Variants in KIAA1549L observed in about 807,000 individuals in gnomAD.
KIAA1549L encodes the protein KIAA1549 like, also known as UPF0606 protein KIAA1549L.
A neutral mutation model predicts 160.7 loss-of-function variants in KIAA1549L; 88 were observed. The ratio of observed to expected loss-of-function variants is 0.55; its 90% CI spans 0.46 to 0.65. The LOEUF (loss-of-function observed/expected upper bound fraction) is 0.65, where lower values mean the gene tolerates loss of function less well. KIAA1549L is among the 30% of genes least tolerant of loss of function. KIAA1549L has a pLI of 0.00. For synonymous variants in KIAA1549L, 950 were observed against 976.7 expected (o/e 0.97, Z 0.51); for missense variants, 2,258 against 2,437.5 (o/e 0.93, Z 1.55).
intron 1 of KIAA1549L, among the ~76,000 whole-genome samples, chr11:33,417,938 C>T (rs1850921773): frequency 6.6e-6 from 1 of 152,062 alleles, no homozygotes; most frequent in African/African-American, 2.4e-5. Context: ...CCACCACGCC[C>T]AGCTAATTTT....
At chr11:33,517,734 A>G (rs1271978740) in intron 1 of KIAA1549L, among the ~76,000 whole-genome samples, 1 of 152,210 alleles carries the variant, frequency 6.6e-6, no homozygotes, top group Non-Finnish European at 1.5e-5. Flanking sequence ...GAAATGAGTC[A>G]TGAATGTGTA....
chr11:33,387,994 C>T (rs1850205849), intron 1 of KIAA1549L, among the ~76,000 whole-genome samples: 1 of 152,142 alleles, frequency 6.6e-6, no homozygotes, highest in Non-Finnish European at 1.5e-5. Context: ...GGCCTATCTT[C>T]AATCTTCATT....
chr11:33,531,961 C>T (rs1853784069), intron 1 of KIAA1549L, among the ~76,000 whole-genome samples: 1 of 152,184 alleles, frequency 6.6e-6, no homozygotes, highest in Non-Finnish European at 1.5e-5. Context: ...TGAGGCAGCT[C>T]TGTGGGCCCC....
chr11:33,421,118 C>T (rs1252552769), intron 1 of KIAA1549L, among the ~76,000 whole-genome samples: 3 of 152,198 alleles, frequency 2.0e-5, no homozygotes, highest in Non-Finnish European at 4.4e-5. Flanking sequence ...TGGGGAAGTG[C>T]ATTAATTCCC....
chr11:33,523,575 TCTGCCTATCATGTACCAA>T (rs527261727), intron 1 of KIAA1549L, among the ~76,000 whole-genome samples: 48 of 152,362 alleles, frequency 3.2e-4, no homozygotes, highest in African/African-American at 1.1e-3. Context: ...TGAGACATTT[TCTGCCTATCATGTACCAA>T]TGTAGATGGT....
At chr11:33,548,137 C>T (rs959964678) in intron 4 of KIAA1549L, among the ~76,000 whole-genome samples, 3 of 152,220 alleles carry the variant, frequency 2.0e-5, no homozygotes, top group Non-Finnish European at 4.4e-5. Flanking sequence ...GGGTGGCTCA[C>T]ACCTGTAATC....
chr11:33,613,198 T>G (rs1402275311), intron 15 of KIAA1549L, among the ~76,000 whole-genome samples: 1 of 152,212 alleles, frequency 6.6e-6, no homozygotes, highest in African/African-American at 2.4e-5. Flanking sequence ...CCACAATGGT[T>G]GAACTAATTT....
At chr11:33,526,078 C>T (rs1221611716) in intron 1 of KIAA1549L, among the ~76,000 whole-genome samples, 2 of 152,088 alleles carry the variant, frequency 1.3e-5, no homozygotes, top group Admixed American at 6.5e-5. Flanking sequence ...GTCTTGGTAG[C>T]TCTATGGCCC....
intron 6 of KIAA1549L, among the ~76,000 whole-genome samples, chr11:33,555,148 A>G: frequency 1.3e-5 from 2 of 151,788 alleles, no homozygotes; most frequent in Middle Eastern, 6.8e-3. Flanking sequence ...TTTTTCTTAC[A>G]AAAAATTAGT....
At chr11:33,648,884 TAAA>T (rs368813405) in intron 17 of KIAA1549L, among the ~76,000 whole-genome samples, 74 of 152,224 alleles carry the variant, frequency 4.9e-4, no homozygotes, top group African/African-American at 1.8e-3. Flanking sequence ...TTAATGGTAA[TAAA>T]AATAACAGCA....
intron 17 of KIAA1549L, among the ~76,000 whole-genome samples, chr11:33,650,698 G>A (rs35768437): frequency 0.013 from 2,040 of 152,198 alleles, 25 homozygotes; most frequent in Non-Finnish European, 0.021. Flanking sequence ...GTTCAGGTGA[G>A]CTCACTCTGT....
chr11:33,484,975 G>A (rs984313545), intron 1 of KIAA1549L, among the ~76,000 whole-genome samples: 4 of 152,116 alleles, frequency 2.6e-5, no homozygotes, highest in Non-Finnish European at 4.4e-5. Context: ...CAAATTCTTG[G>A]TTTCCTTTTT....
chr11:33,632,926 C>A (rs117503248), intron 16 of KIAA1549L, among the ~76,000 whole-genome samples: 2 of 151,914 alleles, frequency 1.3e-5, no homozygotes, highest in South Asian at 4.2e-4. Context: ...GTCTCCTCCA[C>A]GTCACTCTTC....
In KIAA1549L at chr11:33,661,021, C is replaced by T. The variant is rs1314965832; in HGVS notation, c.6159+7C>T. The T allele has an allele frequency of 6.2e-7, 1 of 1,603,354 alleles. No homozygotes were observed. Among genetic ancestry groups the T allele is most frequent in the Non-Finnish European group, 8.5e-7 (1 of 1,174,436 alleles). On this transcript the variant is annotated splice_region_variant and intron_variant, in intron 20 of 20. Transcript: ENST00000658780. ...GAGCCAGTGGGCAGATTCGGTGAGA[C>T]CCTTGCTCTTCACCTCATAAAACTT...
chr11:33,455,231 C>CA (rs1456650778), intron 1 of KIAA1549L, among the ~76,000 whole-genome samples: 3 of 152,168 alleles, frequency 2.0e-5, no homozygotes, highest in African/African-American at 7.2e-5. Flanking sequence ...TCTCCATTGC[C>CA]AGCAATAACA....
chr11:33,382,057 G>A (rs952548392), intron 1 of KIAA1549L, among the ~76,000 whole-genome samples: 3 of 152,132 alleles, frequency 2.0e-5, no homozygotes, highest in African/African-American at 7.2e-5. Context: ...ATTCTAGGGC[G>A]ATAACAGGTC....
At position 33,583,458 on chromosome 11, in the gene KIAA1549L, A is replaced by T; in HGVS notation, c.4523A>T (p.Asp1508Val). ...TAVLCRKNKN[D>V]FKPDTMINLP... is the part of the protein sequence containing the mutation. ...GTGCTCTGCAGGAAGAACAAGAACG[A>T]CTTCAAGCCTGACACCATGATAAAC... is the stretch of plus-strand genomic sequence containing the variant. Residue 1508 changes from aspartate to valine, a missense_variant, in exon 11 of 21, where the codon GAC becomes GTC. Around this residue, in one of 6 missense-constraint regions of KIAA1549L, gnomAD observed 1,359 missense variants for 1,546.6 expected, o/e 0.88. Transcript: ENST00000658780. 6.3e-7 allele frequency: 1 copy of T among 1,584,768 alleles called. No homozygotes were observed. The highest frequency in any genetic ancestry group is 8.6e-7 in the Non-Finnish European group (1 of 1,165,760).
chr11:33,398,406 G>A (rs1162304027), intron 1 of KIAA1549L, among the ~76,000 whole-genome samples: 1 of 152,148 alleles, frequency 6.6e-6, no homozygotes. Context: ...TGGCAATTAG[G>A]CATTGGCAGG....
intron 8 of KIAA1549L, among the ~76,000 whole-genome samples, chr11:33,566,683 G>T (rs1293973803): frequency 6.6e-6 from 1 of 152,178 alleles, no homozygotes; most frequent in Non-Finnish European, 1.5e-5. Context: ...TGTATCTGTT[G>T]TCGCCGGTTA....
Sources: allele counts gnomAD v4.1 joint callset (sites outside exome capture counted in the v4.1 genomes callset), GRCh38; gene constraint gnomAD v4.1.1; regional missense constraint gnomAD v4.1.1; transcripts MANE v1.5; gene names NCBI Gene and HGNC (gene_info 2026-07-23, HGNC 2026-07-21).